Variants in KDM3A observed in about 807,000 individuals in gnomAD.
The protein encoded by KDM3A is lysine-specific demethylase 3A.
KDM3A carries 60 observed loss-of-function variants against 158.0 expected under a neutral mutation model. That is an observed-to-expected ratio of 0.38 (90% CI 0.31 to 0.47). The LOEUF is 0.47. KDM3A is among the 20% of genes least tolerant of loss of function. KDM3A has a pLI of 0.99. For missense variants in KDM3A, 1,319 were observed against 1,574.3 expected (o/e 0.84, Z 2.74); for synonymous variants, 608 against 549.3 (o/e 1.11, Z -1.49).
At chr2:86,446,538 GTC>G (rs1382141477) in intron 2 of KDM3A, among the ~76,000 whole-genome samples, 1 of 152,094 alleles carries the variant, frequency 6.6e-6, no homozygotes, top group Non-Finnish European at 1.5e-5. Context: ...GTGAAACCCA[GTC>G]TCTACTAAAA....
intron 8 of KDM3A, among the ~76,000 whole-genome samples, chr2:86,458,660 G>T (rs1672804186): frequency 6.6e-6 from 1 of 152,174 alleles, no homozygotes; most frequent in Non-Finnish European, 1.5e-5. Context: ...GCCTCAAGAA[G>T]CAGCCTGGGC....
At chr2:86,466,221 AC>A (rs1184649074) in intron 9 of KDM3A, 150 bp from the exon 10 acceptor site, 1 of 791,078 alleles carries the variant, frequency 1.3e-6, no homozygotes, top group Non-Finnish European at 2.0e-6. Flanking sequence ...ACTCTAGCTC[AC>A]AGAAATCTAT....
intron 8 of KDM3A, among the ~76,000 whole-genome samples, chr2:86,460,561 A>G (rs1672884027): frequency 6.6e-6 from 1 of 152,184 alleles, no homozygotes; most frequent in Non-Finnish European, 1.5e-5. Flanking sequence ...CTAGTAGGCA[A>G]GACTCTTGAC....
rs141612061 is a variant in KDM3A, at chr2:86,457,664, A to G, written c.843+593A>G. Among the ~76,000 whole-genome samples, 23 of 152,328 alleles carry G rather than the reference A, an allele frequency of 1.5e-4. 1 individual carries two copies. Among genetic ancestry groups the G allele is most frequent in the Middle Eastern group, 3.4e-3 (1 of 294 alleles). The stretch of plus-strand genomic sequence containing the variant: ...AAGGTAAATTGAGTTGTGTGTGTCA[A>G]TGCCTGGCATGAAAAGAGGGAAGGA... On this transcript the variant is annotated intron_variant, in intron 8 of 25. Transcript: ENST00000312912.
chr2:86,490,478 G>C (rs754481458), intron 23 of KDM3A: 4 of 156,564 alleles, frequency 2.6e-5, no homozygotes, highest in Non-Finnish European at 5.6e-5. Context: ...CTGGATCAAG[G>C]ATAAACAAGT....
chr2:86,438,304 CAT>C (rs545492704), upstream of KDM3A, among the ~76,000 whole-genome samples: 23 of 152,056 alleles, frequency 1.5e-4, no homozygotes, highest in Admixed American at 3.9e-4. Context: ...TTAAAAGTAA[CAT>C]GTGAGTACAT....
intron 11 of KDM3A, 73 bp from the exon 12 acceptor site, chr2:86,474,703 G>GTGTGTGTGTGTT: frequency 3.6e-6 from 1 of 281,346 alleles, no homozygotes; most frequent in South Asian, 3.9e-5. Flanking sequence ...TAAATAAGTT[G>GTGTGTGTGTGTT]TGTGTGTGTG....
At chr2:86,490,696 C>T (rs72845606) in intron 23 of KDM3A, 185 bp from the exon 24 acceptor site, 4 of 523,130 alleles carry the variant, frequency 7.6e-6, no homozygotes, top group Middle Eastern at 5.0e-4. Context: ...ACATTTTCTT[C>T]GTCATTCTTC....
chr2:86,457,067 C>T lies in KDM3A; in HGVS notation c.839C>T (p.Ser280Phe). 6.4e-7 allele frequency: 1 copy of T among 1,556,744 alleles called. No homozygotes were observed. The highest frequency in any genetic ancestry group is 8.8e-7 in the Non-Finnish European group (1 of 1,142,548). ...TLVSKQAKSC[S>F]EASPSMCPVQ... is the part of the protein sequence containing the mutation. ...GTTTCCAAACAAGCAAAATCTTGCT[C>T]TGAGGTAACCTTTATTTATGTCACT... The change falls in exon 8 of 26, where the codon TCT becomes TTT. Residue 280 changes from serine (S) to phenylalanine (F), a missense_variant. Physicochemically the swap from Ser to Phe is radical, Grantham distance 155. Around this residue, in one of 4 missense-constraint regions of KDM3A, gnomAD observed 652 missense variants for 627.2 expected, o/e 1.04. Coordinates refer to ENST00000312912, the MANE Select transcript of KDM3A (RefSeq NM_018433.6).
intron 2 of KDM3A, 97 bp downstream of exon 2, chr2:86,442,330 C>T: frequency 8.4e-7 from 1 of 1,184,784 alleles, no homozygotes; most frequent in Non-Finnish European, 1.2e-6. Context: ...AAACGGAGAC[C>T]AGAAAGTTGG....
chr2:86,455,295 T>A, intron 5 of KDM3A, 108 bp downstream of exon 5: 1 of 176,180 alleles, frequency 5.7e-6, no homozygotes, highest in Non-Finnish European at 1.2e-5. Context: ...TTCTTTTTTC[T>A]TTTTTTTTTT....
chr2:86,439,734 G>C (rs751286681), upstream of KDM3A, among the ~76,000 whole-genome samples: 1 of 152,074 alleles, frequency 6.6e-6, no homozygotes, highest in Non-Finnish European at 1.5e-5. Context: ...CGTCACCTTA[G>C]GATAGGCCAT....
chr2:86,466,784 C>T lies in KDM3A; in HGVS notation c.1420C>T (p.Pro474Ser), dbSNP rs764131946. The change falls in exon 10 of 26, where the codon CCT (proline) becomes TCT (serine). Residue 474 changes from proline (P) to serine (S), a missense_variant. By Grantham distance (74) the Pro-to-Ser change is moderately conservative (BLOSUM62 -1). Transcript: ENST00000312912. ...PNNCSGKKVE[P>S]SALACRSQNL... ...TAACTGTTCAGGAAAAAAGGTAGAA[C>T]CTTCAGCTTTAGCTTGCCGATCACA... is the stretch of plus-strand genomic sequence containing the variant. 1.4e-5 allele frequency: 22 copies of T among 1,613,582 alleles called. No homozygotes were observed. The highest frequency in any genetic ancestry group is 8.0e-5 in the African/African-American group (6 of 74,882).
chr2:86,485,977 A>G lies in KDM3A; in HGVS notation c.3313+118A>G, dbSNP rs1674158728. On this transcript the variant is annotated intron_variant, in intron 21 of 25. Transcript: ENST00000312912. Reference sequence around the variant, plus strand: ...CATAATCCTAATGCGTAATACAGCCACAGCTTTCATTTTTACATATTTCCT... The same window carrying G: ...CATAATCCTAATGCGTAATACAGCCGCAGCTTTCATTTTTACATATTTCCT... The G allele has an allele frequency of 4.0e-5, 40 of 1,010,676 alleles. No homozygotes were observed. The South Asian group carries it at 6.4e-4, about 16-fold the overall frequency. 62.6% of individuals were successfully genotyped at this position (1,010,676 alleles called of 1,614,324 possible).
chr2:86,457,099 A>G (rs896255868), intron 8 of KDM3A, 28 bp downstream of exon 8: 2 of 1,152,484 alleles, frequency 1.7e-6, no homozygotes, highest in African/African-American at 1.6e-5. Context: ...CACTTGTGTA[A>G]AGCTTTCCTT....
intron 16 of KDM3A, 56 bp downstream of exon 16, chr2:86,480,418 G>A: frequency 6.9e-7 from 1 of 1,449,624 alleles, no homozygotes; most frequent in Non-Finnish European, 9.5e-7. Flanking sequence ...ATTCGTGGAA[G>A]GACTTGAGAG....
chr2:86,440,377 GCCTTTATGAACATA>G (rs1682629178), upstream of KDM3A, among the ~76,000 whole-genome samples: 1 of 152,124 alleles, frequency 6.6e-6, no homozygotes, highest in African/African-American at 2.4e-5. Context: ...TCAAACACTA[GCCTTTATGAACATA>G]TCTTCAATTT....
chr2:86,466,297 A>G (rs972449097), intron 9 of KDM3A, 75 bp from the exon 10 acceptor site: 3 of 1,441,654 alleles, frequency 2.1e-6, no homozygotes, highest in Non-Finnish European at 2.8e-6. Context: ...TAGGGAACCA[A>G]ACAGTTTGTT....
chr2:86,447,809 A>G (rs921840235), intron 2 of KDM3A, among the ~76,000 whole-genome samples: 5 of 152,204 alleles, frequency 3.3e-5, no homozygotes, highest in African/African-American at 7.2e-5. Context: ...TGGGAATTCA[A>G]GGTCTCTGAA....
Sources: gnomAD v4.1 joint callset for allele counts (sites outside exome capture counted in the v4.1 genomes callset) on GRCh38, gnomAD v4.1.1 for gene constraint, gnomAD v4.1.1 regional missense constraint, MANE v1.5 for transcripts, NCBI Gene and HGNC (gene_info 2026-07-23, HGNC 2026-07-21) for gene names.